Variants in MALRD1 observed in about 807,000 individuals in gnomAD.
MALRD1 encodes the protein MAM and LDL receptor class A domain containing 1, also known as MAM and LDL-receptor class A domain-containing protein 1.
A neutral mutation model predicts 242.1 loss-of-function variants in MALRD1; 247 were observed. The ratio of observed to expected loss-of-function variants is 1.02; its 90% CI spans 0.92 to 1.13. The LOEUF (loss-of-function observed/expected upper bound fraction) is 1.13, where lower values mean the gene tolerates loss of function less well. Among genes scored for constraint, MALRD1 ranks in the 50% most tolerant of loss-of-function variants. MALRD1 has a pLI of 0.00. For synonymous variants in MALRD1, 995 were observed against 866.6 expected, an observed-to-expected ratio of 1.15 and a Z score of -2.60; for missense variants, 2,989 against 2,533.1, an observed-to-expected ratio of 1.18 and a Z score of -3.86.
At chr10:19,613,037 T>A (rs549572799) in intron 35 of MALRD1, among the ~76,000 whole-genome samples, 41 of 150,084 alleles carry the variant, frequency 2.7e-4, no homozygotes, top group African/African-American at 1.0e-3. Flanking sequence ...AATTTCTAGT[T>A]CTCTATTTTC....
chr10:19,482,652 T>TACACACACACACACACACACACAC (rs144094060), intron 29 of MALRD1, among the ~76,000 whole-genome samples: 5 of 136,434 alleles, frequency 3.7e-5, no homozygotes, highest in East Asian at 4.5e-4. Flanking sequence ...TTACAATAGC[T>TACACACACACACACACACACACAC]ACACACACAC....
At chr10:19,567,765 G>A in intron 33 of MALRD1, 62 bp downstream of exon 33, 2 of 1,370,580 alleles carry the variant, frequency 1.5e-6, no homozygotes, top group South Asian at 1.3e-5. Flanking sequence ...ATATACTAAA[G>A]ATTTGGGAAT....
rs1839421632 is a variant in MALRD1, at chr10:19,254,487, A to G, written c.2992-3197A>G. ...AACAAATACCTACATGTGCATTGCC[A>G]TGTCATATAAAAGTGTATGTTTAAT... On this transcript the variant is annotated intron_variant, in intron 18 of 39. Coordinates refer to ENST00000454679, the MANE Select transcript of MALRD1 (RefSeq NM_001142308.3). 1.3e-5 allele frequency among the ~76,000 whole-genome samples: 2 copies of G among 152,012 alleles called. 1 individual carries two copies. The highest frequency in any genetic ancestry group is 4.1e-4 in the South Asian group (2 of 4,834).
chr10:19,630,009 C>T (rs1414919898), intron 36 of MALRD1, among the ~76,000 whole-genome samples: 3 of 152,142 alleles, frequency 2.0e-5, no homozygotes, highest in Non-Finnish European at 4.4e-5. Flanking sequence ...CTAAGTAGTT[C>T]AATGCATTTT....
At chr10:19,104,206 T>C (rs926235591) in intron 5 of MALRD1, 131 bp downstream of exon 5, 1 of 476,606 alleles carries the variant, frequency 2.1e-6, no homozygotes, top group Non-Finnish European at 3.3e-6. Context: ...TTCGTTCTAA[T>C]ACATTGTATA....
chr10:19,277,761 G>C (rs935383800), intron 19 of MALRD1, among the ~76,000 whole-genome samples: 2 of 152,150 alleles, frequency 1.3e-5, no homozygotes, highest in African/African-American at 4.8e-5. Flanking sequence ...CTGCATTTGA[G>C]CTAAGAAATA....
Position 19,482,686 on chromosome 10 carries a change from CACACAT to C in MALRD1, c.5030-8825_5030-8820del, listed in dbSNP as rs1370231748. Among the ~76,000 whole-genome samples the C allele has an allele frequency of 2.1e-3, 319 of 151,328 alleles. 3 individuals are homozygous for C. The highest frequency in any genetic ancestry group is 7.5e-3 in the African/African-American group (311 of 41,196). ...ACACACACACACACACACACACACA[CACACAT>C]ACACACAAAGCAAAAAATACTTAGG... On this transcript the variant is annotated intron_variant, in intron 29 of 39. Transcript: ENST00000454679.
At chr10:19,509,750 G>A (rs980476242) in intron 31 of MALRD1, among the ~76,000 whole-genome samples, 2 of 152,176 alleles carry the variant, frequency 1.3e-5, no homozygotes, top group Non-Finnish European at 2.9e-5. Flanking sequence ...AGAATACAGT[G>A]TACCAGGCAG....
intron 18 of MALRD1, among the ~76,000 whole-genome samples, chr10:19,256,325 A>G (rs1349358859): frequency 6.6e-6 from 1 of 152,102 alleles, no homozygotes; most frequent in Non-Finnish European, 1.5e-5. Flanking sequence ...ATAAAACAGA[A>G]TACGTTTTTC....
chr10:19,572,835 A>C (rs1386125691), intron 33 of MALRD1, among the ~76,000 whole-genome samples: 4 of 152,266 alleles, frequency 2.6e-5, no homozygotes, highest in African/African-American at 9.6e-5. Flanking sequence ...CAACATGGTC[A>C]GCTAAAAAGA....
chr10:19,144,295 A>T (rs1462003544), intron 10 of MALRD1, among the ~76,000 whole-genome samples: 2 of 152,210 alleles, frequency 1.3e-5, no homozygotes, highest in Middle Eastern at 3.2e-3. Flanking sequence ...CATCCTGCTA[A>T]TACTATATTT....
At chr10:19,289,108 C>CA (rs1841284395) in intron 21 of MALRD1, among the ~76,000 whole-genome samples, 3 of 151,676 alleles carry the variant, frequency 2.0e-5, no homozygotes, top group South Asian at 4.2e-4. Flanking sequence ...TTCTGACTCA[C>CA]AAAAAAAGCA....
At chr10:19,235,609 A>AGAGAGAGAGAGAGAGC (rs1412613080) in intron 18 of MALRD1, among the ~76,000 whole-genome samples, 2 of 136,488 alleles carry the variant, frequency 1.5e-5, no homozygotes, top group African/African-American at 5.3e-5. Flanking sequence ...AGAGAGAGAG[A>AGAGAGAGAGAGAGAGC]GAGAGCGCCT....
intron 29 of MALRD1, among the ~76,000 whole-genome samples, chr10:19,468,832 CTAA>C (rs1300758292): frequency 1.3e-5 from 2 of 152,072 alleles, no homozygotes; most frequent in African/African-American, 2.4e-5. Context: ...GGTTCTGATA[CTAA>C]TGTTACCCAC....
In MALRD1 at chr10:19,516,272, A is replaced by G. The variant is rs116688908; in HGVS notation, c.5321-14922A>G. ...CTATCTTAGAGTTTAAGGAATATCTAATTTATGCAAGTGCTCATTTTTTTC... is the reference window on the plus strand; with the variant it reads ...CTATCTTAGAGTTTAAGGAATATCTGATTTATGCAAGTGCTCATTTTTTTC... On this transcript the variant is annotated intron_variant, in intron 31 of 39. Coordinates refer to ENST00000454679, the MANE Select transcript of MALRD1 (RefSeq NM_001142308.3). 1.1e-3 allele frequency among the ~76,000 whole-genome samples: 174 copies of G among 152,316 alleles called. 1 individual carries two copies. Among genetic ancestry groups the G allele is most frequent in the African/African-American group, 3.8e-3 (159 of 41,582 alleles).
chr10:19,642,114 T>C (rs1840413362), intron 36 of MALRD1, among the ~76,000 whole-genome samples: 1 of 152,146 alleles, frequency 6.6e-6, no homozygotes, highest in South Asian at 2.1e-4. Context: ...ACATGCTTAG[T>C]TTCAAAGGGT....
At chr10:19,443,578 A>G (rs1834792602) in intron 28 of MALRD1, among the ~76,000 whole-genome samples, 1 of 152,050 alleles carries the variant, frequency 6.6e-6, no homozygotes, top group African/African-American at 2.4e-5. Flanking sequence ...TTTGTTATGT[A>G]CTCAGTAGTC....
intron 36 of MALRD1, among the ~76,000 whole-genome samples, chr10:19,690,911 T>A (rs770763014): frequency 2.6e-5 from 4 of 152,048 alleles, no homozygotes; most frequent in Non-Finnish European, 5.9e-5. Flanking sequence ...AAGACAGTTT[T>A]CCACTAAAAT....
At chr10:19,380,066 C>G (rs1414582978) in intron 26 of MALRD1, among the ~76,000 whole-genome samples, 1 of 151,090 alleles carries the variant, frequency 6.6e-6, no homozygotes, top group Non-Finnish European at 1.5e-5. Context: ...CCTCTGCCTC[C>G]CAGGTTCCAG....
Sources: gnomAD v4.1 joint callset for allele counts (sites outside exome capture counted in the v4.1 genomes callset) on GRCh38, gnomAD v4.1.1 for gene constraint, MANE v1.5 for transcripts, NCBI Gene and HGNC (gene_info 2026-07-23, HGNC 2026-07-21) for gene names.